Variants in SIAH1 observed in about 807,000 individuals in gnomAD.
SIAH1 encodes the protein siah E3 ubiquitin protein ligase 1, also known as E3 ubiquitin-protein ligase SIAH1.
A neutral mutation model predicts 20.0 loss-of-function variants in SIAH1; 2 were observed. The observed-to-expected ratio is 0.10, with a 90% CI of 0.04 to 0.31. The LOEUF (loss-of-function observed/expected upper bound fraction) is 0.31. SIAH1 is among the 10% of genes least tolerant of loss of function. The pLI is 1.00. For synonymous variants in SIAH1, 118 were observed against 125.3 expected (o/e 0.94, Z 0.39); for missense variants, 119 against 355.3 (o/e 0.33, Z 5.35).
intron 1 of SIAH1, among the ~76,000 whole-genome samples, chr16:48,380,965 C>G (rs1289905339): frequency 8.4e-6 from 1 of 118,716 alleles, no homozygotes; most frequent in Admixed American, 9.2e-5. Flanking sequence ...AAATCCAGAA[C>G]AGTGGTAGCT....
chr16:48,379,338 T>A (rs960516745), intron 1 of SIAH1, among the ~76,000 whole-genome samples: 1 of 152,152 alleles, frequency 6.6e-6, no homozygotes, highest in African/African-American at 2.4e-5. Flanking sequence ...CTACCCAAAG[T>A]AGCACAAATA....
At chr16:48,382,575 T>C (rs1961326694) in intron 1 of SIAH1, among the ~76,000 whole-genome samples, 3 of 152,176 alleles carry the variant, frequency 2.0e-5, no homozygotes. Context: ...TTAGACATCC[T>C]GCTATTTTGA....
chr16:48,368,343 AAC>A (rs2151048801), intron 1 of SIAH1, among the ~76,000 whole-genome samples: 1 of 152,352 alleles, frequency 6.6e-6, no homozygotes, highest in African/African-American at 2.4e-5. Context: ...CAACTGTGAA[AAC>A]AGTCAAAATG....
chr16:48,384,172 C>T (rs1477355250), intron 1 of SIAH1, among the ~76,000 whole-genome samples: 1 of 152,168 alleles, frequency 6.6e-6, no homozygotes, highest in Non-Finnish European at 1.5e-5. Context: ...TTGACAGCCG[C>T]TATAAGCAAA....
chr16:48,385,286 AC>A lies in SIAH1; in HGVS notation c.-86del. 3.4e-6 allele frequency: 1 copy of A among 296,636 alleles called. No individual in the cohort carries two copies. Among genetic ancestry groups the A allele is most frequent in the South Asian group, 2.4e-5 (1 of 41,274 alleles). 18.4% of individuals were successfully genotyped at this position (296,636 alleles called of 1,614,324 possible). Reference sequence around the variant, plus strand: ...AACCCCCGCCACCGCGGGCAGCGCCACCGCCTCTTCCCGGCGCCGAGACCGA... The same window carrying A: ...AACCCCCGCCACCGCGGGCAGCGCCACGCCTCTTCCCGGCGCCGAGACCGA... On this transcript the variant is annotated 5_prime_UTR_variant, in exon 1 of 2. Coordinates refer to ENST00000394725, the MANE Select transcript of SIAH1 (RefSeq NM_003031.4).
rs1960582426 is a variant in SIAH1, at chr16:48,361,304, A to G, written c.*276T>C. On this transcript the variant is annotated 3_prime_UTR_variant, in exon 2 of 2. Coordinates refer to ENST00000394725, the MANE Select transcript of SIAH1 (RefSeq NM_003031.4). ...AATCTACAACAAACACAAAACTCAG[A>G]ATTATTTTACAATGCTTCCTTTCTT... is the stretch of plus-strand genomic sequence containing the variant. The G allele has an allele frequency of 2.8e-6, 1 of 352,462 alleles. No individual in the cohort carries two copies. Among genetic ancestry groups the G allele is most frequent in the Non-Finnish European group, 5.3e-6 (1 of 189,578 alleles). The allele number at this position is 352,462 out of a possible 1,614,324, so 21.8% of individuals were successfully genotyped here. A position where few individuals can be genotyped will look rare whatever the true frequency, so the allele number is the denominator to read the frequency against.
chr16:48,384,206 G>C (rs1012968095), intron 1 of SIAH1, among the ~76,000 whole-genome samples: 2 of 152,136 alleles, frequency 1.3e-5, no homozygotes, highest in African/African-American at 4.8e-5. Context: ...CTGCTAGGAA[G>C]GGACAGTCAG....
Position 48,362,128 on chromosome 16 carries a change from C to T in SIAH1, c.301G>A (p.Ala101Thr), listed in dbSNP as rs1173823677. ...AGAGTTATTTCACATCCAGAAGACG[C>T]ATATTTACAGGGGAAAAGTACTGAA... Reference protein sequence around the residue: ...ANSVLFPCKYASSGCEITLPH... With the variant: ...ANSVLFPCKYTSSGCEITLPH... Residue 101 changes from alanine (A) to threonine (T), a missense_variant, in exon 2 of 2, where the codon GCG becomes ACG. Transcript: ENST00000394725. This position sits in a 1 kb window ranked among gnomAD's most constrained non-coding sequence, Gnocchi z 4.2. 6.2e-7 allele frequency: 1 copy of T among 1,614,056 alleles called. No homozygotes were observed. The highest frequency in any genetic ancestry group is 8.5e-7 in the Non-Finnish European group (1 of 1,180,044).
intron 1 of SIAH1, among the ~76,000 whole-genome samples, chr16:48,384,636 G>A (rs1275153657): frequency 2.0e-5 from 3 of 151,558 alleles, no homozygotes; most frequent in Non-Finnish European, 3.0e-5. Flanking sequence ...CCCCGTCCCG[G>A]ACGGCTCCAG....
intron 1 of SIAH1, among the ~76,000 whole-genome samples, chr16:48,376,600 T>C (rs1437319267): frequency 2.0e-5 from 3 of 152,144 alleles, no homozygotes; most frequent in African/African-American, 7.2e-5. Context: ...CAAGCAATTC[T>C]CCCGTCTCAG....
intron 1 of SIAH1, chr16:48,365,246 C>T: frequency 1.2e-6 from 1 of 826,030 alleles, no homozygotes; most frequent in Non-Finnish European, 1.9e-6. Flanking sequence ...GAAAAAAGAA[C>T]AGCAGCCCAA....
rs2151042798 is a variant in SIAH1 at position 48,360,776 on chromosome 16, T to C, written c.*804A>G. 1 of 152,592 alleles carries C rather than the reference T, an allele frequency of 6.6e-6. No homozygotes were observed. Among genetic ancestry groups the C allele is most frequent in the Admixed American group, 6.5e-5 (1 of 15,304 alleles). 9.5% of individuals were successfully genotyped at this position (152,592 alleles called of 1,614,324 possible). On this transcript the variant is annotated 3_prime_UTR_variant, in exon 2 of 2. Transcript: ENST00000394725. ...ATAAAAATCAATTTATTCTCTAACC[T>C]TTCAAAGATTAAGCTCAAAGGTGTG... is the stretch of plus-strand genomic sequence containing the variant.
chr16:48,363,986 G>A (rs796458591), intron 1 of SIAH1: 26 of 113,134 alleles, frequency 2.3e-4, no homozygotes, highest in African/African-American at 9.1e-4. Context: ...AGTTTTGCTC[G>A]TTGCCCAGGC....
At chr16:48,386,790 G>C (rs1961476623), upstream of SIAH1, among the ~76,000 whole-genome samples, 1 of 152,186 alleles carries the variant, frequency 6.6e-6, no homozygotes, top group Non-Finnish European at 1.5e-5. Flanking sequence ...GTGAAGGGCA[G>C]AGGAGTTCTG....
At position 48,361,485 on chromosome 16, in the gene SIAH1, T is replaced by C. The variant is rs906544547; in HGVS notation, c.*95A>G. 1 of 1,259,154 alleles carries C rather than the reference T, an allele frequency of 7.9e-7. No homozygotes were observed. The highest frequency in any genetic ancestry group is 1.1e-6 in the Non-Finnish European group (1 of 874,716). The allele number at this position is 1,259,154 out of a possible 1,614,324, so 78.0% of individuals were successfully genotyped here. On this transcript the variant is annotated 3_prime_UTR_variant, in exon 2 of 2. Transcript: ENST00000394725. Reference sequence around the variant, plus strand: ...TACCTTCATGTGTCTAGCTTCCACCTACCGAAAGAGTTTTAGGTTGGCAGA... The same window carrying C: ...TACCTTCATGTGTCTAGCTTCCACCCACCGAAAGAGTTTTAGGTTGGCAGA...
chr16:48,371,669 T>C (rs1423504550), intron 1 of SIAH1, among the ~76,000 whole-genome samples: 1 of 152,212 alleles, frequency 6.6e-6, no homozygotes, highest in Non-Finnish European at 1.5e-5. Flanking sequence ...ACCTTAAAAC[T>C]TTTTAGCAAC....
At chr16:48,378,492 G>A (rs1961170813) in intron 1 of SIAH1, among the ~76,000 whole-genome samples, 1 of 152,178 alleles carries the variant, frequency 6.6e-6, no homozygotes, top group African/African-American at 2.4e-5. Flanking sequence ...GCGGCTCCTT[G>A]TTTCTTCGAT....
At chr16:48,383,658 T>C (rs1961356561) in intron 1 of SIAH1, among the ~76,000 whole-genome samples, 2 of 152,376 alleles carry the variant, frequency 1.3e-5, no homozygotes, top group African/African-American at 4.8e-5. Flanking sequence ...TGATTTTTTT[T>C]AATCACAAAG....
chr16:48,365,902 CG>C, intron 1 of SIAH1: 1 of 1,230,622 alleles, frequency 8.1e-7, no homozygotes, highest in Non-Finnish European at 1.0e-6. Flanking sequence ...GCCTGCCTGC[CG>C]GGAGAGCCAT....
Sources: gnomAD v4.1 joint callset for allele counts (sites outside exome capture counted in the v4.1 genomes callset) on GRCh38, gnomAD v4.1.1 for gene constraint, Gnocchi (gnomAD v3.1) non-coding constraint, MANE v1.5 for transcripts, NCBI Gene and HGNC (gene_info 2026-07-23, HGNC 2026-07-21) for gene names.